GAS7: variants seen among roughly 807,000 people sequenced by gnomAD.
GAS7 encodes growth arrest specific 7.
A neutral mutation model predicts 71.1 loss-of-function variants in GAS7; 28 were observed. The observed-to-expected ratio is 0.39, with a 90% confidence interval of 0.29 to 0.54. The LOEUF (loss-of-function observed/expected upper bound fraction) is 0.54. GAS7 is among the 20% of genes least tolerant of loss of function. The probability of loss-of-function intolerance (pLI) is 0.62; values close to 1 mark genes in which losing one functional copy is unlikely to be tolerated. For missense variants in GAS7, 436 were observed against 627.8 expected (o/e 0.69, Z 3.27); for synonymous variants, 258 against 245.8 (o/e 1.05, Z -0.46).
chr17:10,160,876 T>TG lies in GAS7; in HGVS notation c.183+37331dup, dbSNP rs148603009. On this transcript the variant is annotated intron_variant, in intron 1 of 13. Coordinates refer to ENST00000432992, the MANE Select transcript of GAS7 (RefSeq NM_201433.2). The stretch of plus-strand genomic sequence containing the variant: ...AACTGCTGGCATGAGCCACCACACC[T>TG]GGTCATAATATGGCTGTTTTTGACA... Among the ~76,000 whole-genome samples the TG allele has an allele frequency of 7.0e-3, 1,061 of 151,536 alleles. 15 individuals carry two copies. The highest frequency in any genetic ancestry group is 0.024 in the African/African-American group (973 of 41,240).
At chr17:10,099,376 G>T (rs1399102795) in intron 1 of GAS7, among the ~76,000 whole-genome samples, 2 of 152,182 alleles carry the variant, frequency 1.3e-5, no homozygotes, top group African/African-American at 4.8e-5. Flanking sequence ...CTGCAGCAGG[G>T]TACAACCAGA....
chr17:10,096,464 C>T (rs2073641894), intron 1 of GAS7, among the ~76,000 whole-genome samples: 1 of 152,202 alleles, frequency 6.6e-6, no homozygotes, highest in African/African-American at 2.4e-5. Context: ...CAGGGAGCTT[C>T]CATGTTGTGG....
chr17:10,161,570 A>C (rs1399624920), intron 1 of GAS7, among the ~76,000 whole-genome samples: 1 of 152,228 alleles, frequency 6.6e-6, no homozygotes. Context: ...GCAGACTTTG[A>C]ACTTGAGCTT....
intron 1 of GAS7, among the ~76,000 whole-genome samples, chr17:10,091,921 T>A (rs1403705339): frequency 6.6e-6 from 1 of 151,482 alleles, no homozygotes; most frequent in South Asian, 2.1e-4. Flanking sequence ...CTGGGATCCA[T>A]CCAGCCATCA....
intron 1 of GAS7, among the ~76,000 whole-genome samples, chr17:10,028,447 G>T (rs1326673490): frequency 6.6e-6 from 1 of 152,116 alleles, no homozygotes; most frequent in Non-Finnish European, 1.5e-5. Context: ...ATGGGGAAGG[G>T]GGAGGCAAGA....
intron 1 of GAS7, among the ~76,000 whole-genome samples, chr17:10,067,035 G>T (rs2073288667): frequency 6.6e-6 from 1 of 152,128 alleles, no homozygotes; most frequent in African/African-American, 2.4e-5. Context: ...TGTACACAAA[G>T]CATTAAAAAT....
At chr17:9,953,455 G>A (rs2069101142) in intron 5 of GAS7, among the ~76,000 whole-genome samples, 1 of 152,186 alleles carries the variant, frequency 6.6e-6, no homozygotes, top group Non-Finnish European at 1.5e-5. Flanking sequence ...CTCCTGCAGG[G>A]GAGCCCTGAC....
intron 2 of GAS7, among the ~76,000 whole-genome samples, chr17:9,985,095 C>T (rs1011208837): frequency 5.3e-5 from 8 of 152,234 alleles, no homozygotes; most frequent in Non-Finnish European, 1.0e-4. Flanking sequence ...ATGTCCCATC[C>T]CTCATATCTA....
At chr17:10,025,211 T>G (rs970867404) in intron 1 of GAS7, among the ~76,000 whole-genome samples, 5 of 152,118 alleles carry the variant, frequency 3.3e-5, no homozygotes, top group Non-Finnish European at 7.4e-5. Flanking sequence ...AAGGGCAGCC[T>G]GGGCAATGGA....
chr17:10,085,744 TAC>T (rs2073512687), intron 1 of GAS7, among the ~76,000 whole-genome samples: 1 of 151,112 alleles, frequency 6.6e-6, no homozygotes, highest in African/African-American at 2.4e-5. Context: ...AACCATCCCT[TAC>T]TGAGTGATGT....
rs1025552621 is a variant in GAS7, at chr17:10,026,248, C to A, written c.184-6351G>T. The A allele has an allele frequency of 1.0e-6, 1 of 985,274 alleles. No homozygotes were observed. Among genetic ancestry groups the A allele is most frequent in the Non-Finnish European group, 1.2e-6 (1 of 829,806 alleles). The allele number at this position is 985,274 out of a possible 1,614,324, so 61.0% of individuals were successfully genotyped here. A position where few individuals can be genotyped will look rare whatever the true frequency, so the allele number is the denominator to read the frequency against. On this transcript the variant is annotated intron_variant, in intron 1 of 13. Transcript: ENST00000432992. The surrounding 1 kb of genome is among the most constrained non-coding windows in gnomAD (Gnocchi z 4.5). ...CAGATCAGACGGTTTTAAGGTCTCC[C>A]ACTCTGCATCCTCTCACACCCCAAA...
rs904571337 is a variant in GAS7 at position 9,981,309 on chromosome 17, C to T, written c.385+495G>A. Among the ~76,000 whole-genome samples, 1 of 151,970 alleles carries T rather than the reference C, an allele frequency of 6.6e-6. No homozygotes were observed. The highest frequency in any genetic ancestry group is 2.4e-5 in the African/African-American group (1 of 41,362). ...CTGTCTCAAAAGAGAAACAAACAAA[C>T]AAACAAAAAAGAACGTCCATCTCAA... On this transcript the variant is annotated intron_variant, in intron 3 of 13. Transcript: ENST00000432992. The surrounding 1 kb of genome is among the most constrained non-coding windows in gnomAD (Gnocchi z 4.4).
chr17:10,095,314 T>G (rs2073629673), intron 1 of GAS7, among the ~76,000 whole-genome samples: 2 of 152,216 alleles, frequency 1.3e-5, no homozygotes, highest in Admixed American at 1.3e-4. Flanking sequence ...TGAAGCTTTC[T>G]GAGTGTCCCT....
rs1003752306 is a variant in GAS7 at position 9,919,021 on chromosome 17, A to G, written c.1218+605T>C. ...TAGGCAGTGGGCTGATCCGATGAGC[A>G]CCTGGCATGATGCCTCCTGTCCCAT... On this transcript the variant is annotated intron_variant, in intron 12 of 13. Coordinates refer to ENST00000432992, the MANE Select transcript of GAS7 (RefSeq NM_201433.2). The surrounding 1 kb of genome is among the most constrained non-coding windows in gnomAD (Gnocchi z 5.0). Among the ~76,000 whole-genome samples the G allele has an allele frequency of 1.3e-5, 2 of 152,122 alleles. No homozygotes were observed. The highest frequency in any genetic ancestry group is 2.4e-5 in the African/African-American group (1 of 41,426).
chr17:10,168,787 A>G (rs1444506519), intron 1 of GAS7, among the ~76,000 whole-genome samples: 2 of 151,950 alleles, frequency 1.3e-5, no homozygotes, highest in Admixed American at 6.6e-5. Flanking sequence ...CCTGGCCAAC[A>G]TGGTGAAACA....
At chr17:10,052,035 A>G (rs1421117031) in intron 1 of GAS7, among the ~76,000 whole-genome samples, 1 of 152,166 alleles carries the variant, frequency 6.6e-6, no homozygotes, top group African/African-American at 2.4e-5. Flanking sequence ...TTTTCATTTT[A>G]TAATCGGGCT....
chr17:9,974,880 ACCGATCC>A lies in GAS7; in HGVS notation c.386-5125_386-5119del, dbSNP rs2070124483. On this transcript the variant is annotated intron_variant, in intron 3 of 13. Transcript: ENST00000432992. This position sits in a 1 kb window ranked among gnomAD's most constrained non-coding sequence, Gnocchi z 4.0. ...CACAGCTCGGCTTCCATATCTCAGT[ACCGATCC>A]CTGAGGGAAAAAGTCGCATCCTCAG... Among the ~76,000 whole-genome samples the A allele has an allele frequency of 6.6e-6, 1 of 152,128 alleles. No individual in the cohort carries two copies.
intron 2 of GAS7, among the ~76,000 whole-genome samples, chr17:10,013,768 C>A (rs2071879227): frequency 6.6e-6 from 1 of 152,148 alleles, no homozygotes; most frequent in African/African-American, 2.4e-5. Context: ...CCCTGACTAC[C>A]CCTCCCTATC....
intron 1 of GAS7, among the ~76,000 whole-genome samples, chr17:10,085,705 AAAAAG>A (rs1475810558): frequency 3.4e-5 from 5 of 145,374 alleles, no homozygotes; most frequent in African/African-American, 1.4e-4. Context: ...AAAAAAAAAA[AAAAAG>A]AAAGAAAGAA....
Sources: gnomAD v4.1 joint callset for allele counts (sites outside exome capture counted in the v4.1 genomes callset) on GRCh38, gnomAD v4.1.1 for gene constraint, Gnocchi (gnomAD v3.1) non-coding constraint, MANE v1.5 for transcripts, NCBI Gene and HGNC (gene_info 2026-07-23, HGNC 2026-07-21) for gene names.